The following RORB variants were observed in gnomAD, a reference collection of about 807,000 sequenced individuals.
RORB encodes RAR related orphan receptor B.
In RORB, 6 loss-of-function variants were observed where a neutral mutation model predicts 59.1. The ratio of observed to expected loss-of-function variants is 0.10; its 90% CI spans 0.06 to 0.20. The LOEUF is 0.20. Ranked by LOEUF, RORB falls within the 10% of genes least tolerant of loss-of-function variation. RORB has a pLI of 1.00. For synonymous variants in RORB, 215 were observed against 204.5 expected, an observed-to-expected ratio of 1.05 and a Z score of -0.44; for missense variants, 320 against 560.5, an observed-to-expected ratio of 0.57 and a Z score of 4.33.
At chr9:74,602,284 A>G (rs1228710155) in intron 1 of RORB, among the ~76,000 whole-genome samples, 1 of 152,220 alleles carries the variant, frequency 6.6e-6, no homozygotes, top group African/African-American at 2.4e-5. Flanking sequence ...TTTAATGAGT[A>G]TCTGGACCTG....
intron 1 of RORB, among the ~76,000 whole-genome samples, chr9:74,553,743 CTGTTT>C (rs962794827): frequency 2.6e-5 from 4 of 152,158 alleles, no homozygotes; most frequent in African/African-American, 9.7e-5. Flanking sequence ...TTTACACCCT[CTGTTT>C]TAAGTATCAA....
At position 74,687,278 on chromosome 9, in the gene RORB, T is replaced by A. The variant is rs145558568; in HGVS notation, c.*1660T>A. On this transcript the variant is annotated 3_prime_UTR_variant, in exon 10 of 10. Transcript: ENST00000376896. Reference sequence around the variant, plus strand: ...TCCCAGCCACCAACTCCTAAAGAACTGCCCTTTTCTCCATATTAAACACAC... The same window carrying A: ...TCCCAGCCACCAACTCCTAAAGAACAGCCCTTTTCTCCATATTAAACACAC... 87 of 152,066 alleles carry A rather than the reference T, an allele frequency of 5.7e-4. No homozygotes were observed. Among genetic ancestry groups the A allele is most frequent in the African/African-American group, 2.0e-3 (84 of 41,540 alleles). 9.4% of individuals were successfully genotyped at this position (152,066 alleles called of 1,614,324 possible).
intron 6 of RORB, among the ~76,000 whole-genome samples, chr9:74,663,343 T>C (rs369290847): frequency 3.9e-5 from 6 of 152,194 alleles, no homozygotes; most frequent in African/African-American, 1.4e-4. Flanking sequence ...CAAGTAATCT[T>C]GTGAGATCCA....
intron 9 of RORB, among the ~76,000 whole-genome samples, chr9:74,673,533 A>C (rs1439958312): frequency 1.3e-5 from 2 of 151,894 alleles, no homozygotes; most frequent in African/African-American, 4.8e-5. Flanking sequence ...GGTGATTATT[A>C]CTCCCCTAGG....
At chr9:74,582,957 A>G (rs1389478150) in intron 1 of RORB, among the ~76,000 whole-genome samples, 1 of 152,162 alleles carries the variant, frequency 6.6e-6, no homozygotes, top group East Asian at 1.9e-4. Context: ...TGTTCAAGAG[A>G]TGACCCAAGA....
At chr9:74,590,139 C>CAGTAGT (rs369972499) in intron 1 of RORB, among the ~76,000 whole-genome samples, 6 of 151,896 alleles carry the variant, frequency 4.0e-5, no homozygotes, top group African/African-American at 1.5e-4. Flanking sequence ...TCAGTAGTAA[C>CAGTAGT]AGTAGTAGTA....
intron 1 of RORB, among the ~76,000 whole-genome samples, chr9:74,591,904 G>A (rs1340706344): frequency 3.9e-5 from 6 of 152,092 alleles, no homozygotes; most frequent in East Asian, 1.9e-4. Flanking sequence ...GAGTGTGTGC[G>A]TGTGCATGTG....
At chr9:74,541,488 T>C (rs1826407459) in intron 1 of RORB, among the ~76,000 whole-genome samples, 1 of 152,078 alleles carries the variant, frequency 6.6e-6, no homozygotes, top group Non-Finnish European at 1.5e-5. Context: ...AGCCCTCCCC[T>C]GTAAACAGCC....
At chr9:74,498,290 G>A (rs2117999181) in intron 1 of RORB, 2 of 449,974 alleles carry the variant, frequency 4.4e-6, no homozygotes, top group South Asian at 8.1e-5. Flanking sequence ...TCTCGGGTGC[G>A]GAAGCGGACG....
chr9:74,611,450 C>A (rs1402210481), intron 1 of RORB, among the ~76,000 whole-genome samples: 1 of 152,146 alleles, frequency 6.6e-6, no homozygotes, highest in Non-Finnish European at 1.5e-5. Context: ...AAGTGTTTTT[C>A]TTTTTAAACT....
chr9:74,511,305 A>T (rs1320920590), intron 1 of RORB, among the ~76,000 whole-genome samples: 1 of 152,192 alleles, frequency 6.6e-6, no homozygotes, highest in Non-Finnish European at 1.5e-5. Context: ...ACAAAAAATA[A>T]GTAAAATGCA....
At chr9:74,624,231 C>A (rs1478108724) in intron 1 of RORB, among the ~76,000 whole-genome samples, 1 of 152,076 alleles carries the variant, frequency 6.6e-6, no homozygotes, top group East Asian at 1.9e-4. Context: ...TATTTAGGAG[C>A]TATCAGCCAT....
At chr9:74,612,663 A>G (rs927916194) in intron 1 of RORB, among the ~76,000 whole-genome samples, 1 of 152,146 alleles carries the variant, frequency 6.6e-6, no homozygotes, top group Non-Finnish European at 1.5e-5. Context: ...GGCTCAGTAG[A>G]CATAAAGATG....
chr9:74,622,172 TGAAG>T (rs1823431521), intron 1 of RORB, among the ~76,000 whole-genome samples: 1 of 152,198 alleles, frequency 6.6e-6, no homozygotes, highest in Non-Finnish European at 1.5e-5. Context: ...TGTCCTTCAG[TGAAG>T]GTGATGCTGT....
intron 1 of RORB, among the ~76,000 whole-genome samples, chr9:74,529,092 G>T (rs1474057990): frequency 6.6e-6 from 1 of 151,946 alleles, no homozygotes; most frequent in Admixed American, 6.6e-5. Flanking sequence ...AAATATTATT[G>T]CAAGGACCAA....
At chr9:74,610,566 T>C (rs565344536) in intron 1 of RORB, among the ~76,000 whole-genome samples, 1 of 152,296 alleles carries the variant, frequency 6.6e-6, no homozygotes, top group African/African-American at 2.4e-5. Flanking sequence ...AAACTCCTAA[T>C]ACCATCATCT....
chr9:74,520,290 G>T (rs1040599454), intron 1 of RORB, among the ~76,000 whole-genome samples: 4 of 151,798 alleles, frequency 2.6e-5, no homozygotes, highest in Admixed American at 6.6e-5. Flanking sequence ...ATATAAAGTT[G>T]TTAATGTAAA....
At chr9:74,516,251 T>G (rs1826008919) in intron 1 of RORB, among the ~76,000 whole-genome samples, 1 of 152,098 alleles carries the variant, frequency 6.6e-6, no homozygotes, top group Admixed American at 6.6e-5. Flanking sequence ...CACCTGATAT[T>G]TAGCCCTCAT....
At chr9:74,633,072 C>T (rs967581253) in intron 2 of RORB, among the ~76,000 whole-genome samples, 3 of 152,192 alleles carry the variant, frequency 2.0e-5, no homozygotes, top group Non-Finnish European at 4.4e-5. Flanking sequence ...TGAGTTTCCT[C>T]ACAGGTTGAT....
Sources: allele counts gnomAD v4.1 joint callset (sites outside exome capture counted in the v4.1 genomes callset), GRCh38; gene constraint gnomAD v4.1.1; transcripts MANE v1.5; gene names NCBI Gene and HGNC (gene_info 2026-07-23, HGNC 2026-07-21).